AHCTF1: variants seen among roughly 807,000 people sequenced by gnomAD.
AHCTF1 encodes protein ELYS.
Under a neutral mutation model 248.4 loss-of-function variants are expected in AHCTF1, and 24 were observed. The ratio of observed to expected loss-of-function variants is 0.10; its 90% confidence interval spans 0.07 to 0.14. AHCTF1 has a LOEUF of 0.14. AHCTF1 is among the 10% of genes least tolerant of loss of function. AHCTF1 has a pLI of 1.00. For synonymous variants in AHCTF1, 786 were observed against 929.8 expected (o/e 0.85, Z 2.81); for missense variants, 2,206 against 2,636.2 (o/e 0.84, Z 3.57).
intron 21 of AHCTF1, among the ~76,000 whole-genome samples, 190 bp from the exon 22 acceptor site, chr1:246,877,492 C>T (rs1350250967): frequency 1.3e-5 from 2 of 151,912 alleles, no homozygotes; most frequent in African/African-American, 4.8e-5. Flanking sequence ...TAAAATGACA[C>T]GTTTAAAGAA....
Position 246,850,251 on chromosome 1 carries a change from T to G in AHCTF1, c.5755A>C (p.Asn1919His). ...TCACTGGATTTATCATCTTGCTTAT[T>G]TCCTGTATTTTCAGAAGCATCTAAA... ...TNLDASENTG[N>H]KQDDKSSDKQ... Residue 1919 changes from asparagine to histidine, a missense_variant, in exon 33 of 36, where the codon AAT (asparagine) becomes CAT (histidine). Around this residue, in one of 6 missense-constraint regions of AHCTF1, gnomAD observed 469 missense variants for 470.0 expected, o/e 1.00. Transcript: ENST00000648844. 1 of 1,613,964 alleles carries G rather than the reference T, an allele frequency of 6.2e-7. No individual in the cohort carries two copies. The highest frequency in any genetic ancestry group is 8.5e-7 in the Non-Finnish European group (1 of 1,179,864).
chr1:246,928,502 G>C (rs888160198), intron 1 of AHCTF1, among the ~76,000 whole-genome samples: 3 of 152,022 alleles, frequency 2.0e-5, no homozygotes, highest in Non-Finnish European at 2.9e-5. Flanking sequence ...TACTAGCAGA[G>C]ACAAGAAATA....
chr1:246,844,113 A>AT, intron 33 of AHCTF1, among the ~76,000 whole-genome samples, 185 bp from the exon 34 acceptor site: 1 of 152,228 alleles, frequency 6.6e-6, no homozygotes, highest in Non-Finnish European at 1.5e-5. Flanking sequence ...TCCCAGCATC[A>AT]TTTGGGTAAG....
intron 33 of AHCTF1, among the ~76,000 whole-genome samples, chr1:246,848,811 T>C (rs1660476600): frequency 1.3e-5 from 2 of 151,690 alleles, no homozygotes; most frequent in Non-Finnish European, 1.5e-5. Flanking sequence ...GATCATGCCA[T>C]TGTGCTCCAG....
Position 246,900,230 on chromosome 1 carries a change from G to C in AHCTF1, c.1267C>G (p.His423Asp). Residue 423 changes from histidine to aspartate, a missense_variant, in exon 10 of 36, where the codon CAT becomes GAT. By Grantham distance (81) the His-to-Asp change is moderately conservative (BLOSUM62 -1). Around this residue, in one of 6 missense-constraint regions of AHCTF1, gnomAD observed 650 missense variants for 870.8 expected, o/e 0.75. Transcript: ENST00000648844. ...PDSLRSGEYLHNCSYFALWSL... is the reference protein window; with the variant it reads ...PDSLRSGEYLDNCSYFALWSL... ...CACAGTGCAAAATAAGAGCAATTAT[G>C]TAGATATTCTCCTGACCTAAAAGAA... 6.3e-7 allele frequency: 1 copy of C among 1,592,650 alleles called. No homozygotes were observed. The highest frequency in any genetic ancestry group is 8.5e-7 in the Non-Finnish European group (1 of 1,173,714).
intron 33 of AHCTF1, among the ~76,000 whole-genome samples, chr1:246,844,200 G>C (rs1196706231): frequency 1.3e-5 from 2 of 152,190 alleles, no homozygotes; most frequent in Non-Finnish European, 2.9e-5. Flanking sequence ...AGCAGGTACA[G>C]AACTGTTTAG....
intron 29 of AHCTF1, among the ~76,000 whole-genome samples, chr1:246,859,809 CT>C (rs1285827678): frequency 5.3e-5 from 8 of 152,082 alleles, no homozygotes; most frequent in African/African-American, 1.9e-4. Flanking sequence ...AACTCCTGGG[CT>C]CCCGAAGTGC....
intron 3 of AHCTF1, 50 bp downstream of exon 3, chr1:246,916,092 G>A (rs1666125352): frequency 1.3e-6 from 2 of 1,575,868 alleles, no homozygotes; most frequent in Non-Finnish European, 8.6e-7. Context: ...ATAACCAGCA[G>A]GGGTTCAGTT....
chr1:246,882,084 G>A lies in AHCTF1; in HGVS notation c.2660+3409C>T, dbSNP rs548536803. 3.3e-5 allele frequency among the ~76,000 whole-genome samples: 5 copies of A among 149,698 alleles called. 2 individuals are homozygous for A. The highest frequency in any genetic ancestry group is 9.8e-5 in the African/African-American group (4 of 40,696). On this transcript the variant is annotated intron_variant, in intron 21 of 35. Transcript: ENST00000648844. ...ACCATCTCTGCTCACTGCAAGCTCC[G>A]CCTCCTGGGTTCACGCCATTCTCCT...
intron 25 of AHCTF1, 71 bp downstream of exon 25, chr1:246,867,590 T>A (rs1028348543): frequency 5.8e-6 from 9 of 1,544,610 alleles, no homozygotes; most frequent in Non-Finnish European, 8.0e-6. Flanking sequence ...GAGTGGATTG[T>A]TGATGAACGC....
At chr1:246,870,306 T>G (rs1314038445) in intron 24 of AHCTF1, among the ~76,000 whole-genome samples, 8 of 152,040 alleles carry the variant, frequency 5.3e-5, no homozygotes, top group Non-Finnish European at 1.2e-4. Flanking sequence ...GGTTGCAGTC[T>G]CAGCCACTCG....
chr1:246,869,045 CAT>C (rs1662319739), intron 24 of AHCTF1, among the ~76,000 whole-genome samples: 1 of 151,472 alleles, frequency 6.6e-6, no homozygotes, highest in Non-Finnish European at 1.5e-5. Flanking sequence ...GGGGTTTCAC[CAT>C]GTTGGCCAGG....
chr1:246,905,511 A>C (rs1377408948), intron 6 of AHCTF1, 30 bp downstream of exon 6: 1 of 1,578,840 alleles, frequency 6.3e-7, no homozygotes, highest in Non-Finnish European at 8.7e-7. Flanking sequence ...AAAACAAAAC[A>C]AAACAAAACA....
At chr1:246,854,252 T>C (rs896274580) in intron 31 of AHCTF1, among the ~76,000 whole-genome samples, 2 of 87,768 alleles carry the variant, frequency 2.3e-5, no homozygotes, top group East Asian at 2.7e-4. Context: ...TGAGCCGAGA[T>C]TGCACCACTG....
At chr1:246,911,772 C>T (rs1004888164) in intron 4 of AHCTF1, among the ~76,000 whole-genome samples, 2 of 152,182 alleles carry the variant, frequency 1.3e-5, no homozygotes, top group African/African-American at 2.4e-5. Flanking sequence ...GCATGAGCCA[C>T]GGCGCCCAGC....
At chr1:246,927,224 TG>T (rs1352367204) in intron 1 of AHCTF1, among the ~76,000 whole-genome samples, 2 of 151,226 alleles carry the variant, frequency 1.3e-5, no homozygotes, top group Admixed American at 6.6e-5. Flanking sequence ...GGCTCACACC[TG>T]TCATCTCAGC....
intron 21 of AHCTF1, among the ~76,000 whole-genome samples, chr1:246,884,941 T>C (rs1663707848): frequency 6.6e-6 from 1 of 152,202 alleles, no homozygotes; most frequent in Admixed American, 6.5e-5. Flanking sequence ...GTCAACTCTA[T>C]CACTTCATTC....
intron 33 of AHCTF1, among the ~76,000 whole-genome samples, chr1:246,845,308 T>C (rs1012496122): frequency 2.0e-5 from 3 of 151,388 alleles, no homozygotes; most frequent in African/African-American, 7.4e-5. Flanking sequence ...AGTAGGTGTA[T>C]ATATAAAAAT....
At chr1:246,867,837 AAGTGCATCT>A in intron 24 of AHCTF1, 26 bp from the exon 25 acceptor site, 1 of 1,581,628 alleles carries the variant, frequency 6.3e-7, no homozygotes, top group Non-Finnish European at 8.6e-7. Context: ...CGCTGGAATT[AAGTGCATCT>A]CTAACAAACG....
Sources: allele counts gnomAD v4.1 joint callset (sites outside exome capture counted in the v4.1 genomes callset), GRCh38; gene constraint gnomAD v4.1.1; regional missense constraint gnomAD v4.1.1; transcripts MANE v1.5; gene names NCBI Gene and HGNC (gene_info 2026-07-23, HGNC 2026-07-21).